Variants in MLXIP observed in about 807,000 individuals in gnomAD.
MLXIP encodes the protein MLX interacting protein, also known as MLX-interacting protein.
MLXIP carries 30 observed loss-of-function variants against 87.2 expected under a neutral mutation model. The ratio of observed to expected loss-of-function variants is 0.34; its 90% CI spans 0.26 to 0.47. MLXIP has a LOEUF of 0.47. Among genes scored for constraint, MLXIP ranks in the 20% least tolerant of loss-of-function variants. The pLI, the probability that MLXIP is intolerant of heterozygous loss-of-function variation, is 1.00. For missense variants in MLXIP, 1,002 were observed against 1,240.1 expected (o/e 0.81, Z 2.88); for synonymous variants, 530 against 514.0 (o/e 1.03, Z -0.42).
rs781100563 is a variant in MLXIP, at chr12:122,135,697, C to G, written c.2032+31C>G. The G allele has an allele frequency of 3.4e-5, 50 of 1,460,454 alleles. No individual in the cohort carries two copies. The Middle Eastern group carries it at 5.8e-4, about 17-fold the overall frequency. 90.5% of individuals were successfully genotyped at this position (1,460,454 alleles called of 1,614,324 possible). A position where few individuals can be genotyped will look rare whatever the true frequency, so the allele number is the denominator to read the frequency against. On this transcript the variant is annotated intron_variant, in intron 11 of 16. Transcript: ENST00000319080. This position sits in a 1 kb window ranked among gnomAD's most constrained non-coding sequence, Gnocchi z 5.3. ...TGTTCACTCGGCGGGATGGTTGGGG[C>G]ATCGCAAGGGAAGTAACTGGGCCTG... is the stretch of plus-strand genomic sequence containing the variant.
Position 122,123,754 on chromosome 12 carries a change from C to T in MLXIP, c.414-3502C>T, listed in dbSNP as rs557579410. The stretch of plus-strand genomic sequence containing the variant: ...TTGCTCTTTCACTTAGGCTGGAGTG[C>T]ATTGGTGCCATCATGGCTCACTGCA... On this transcript the variant is annotated intron_variant, in intron 1 of 16. Coordinates refer to ENST00000319080, the MANE Select transcript of MLXIP (RefSeq NM_014938.6). 5.9e-5 allele frequency among the ~76,000 whole-genome samples: 9 copies of T among 152,280 alleles called. No individual in the cohort carries two copies. In the East Asian group the frequency reaches 1.7e-3, roughly 29 times the overall value.
At chr12:122,124,670 A>G (rs2135964889) in intron 1 of MLXIP, among the ~76,000 whole-genome samples, 1 of 151,736 alleles carries the variant, frequency 6.6e-6, no homozygotes, top group East Asian at 2.0e-4. Context: ...GGGGTTGTTA[A>G]AAACATCATA....
chr12:122,135,354 G>A lies in MLXIP; in HGVS notation c.1854+9G>A, dbSNP rs758967827. ...CTGCTGCCATCGCCAGGGTGAGGAGGGCCCTAGGCAGACCTGCAGTGTCCT... is the reference window on the plus strand; with the variant it reads ...CTGCTGCCATCGCCAGGGTGAGGAGAGCCCTAGGCAGACCTGCAGTGTCCT... On this transcript the variant is annotated intron_variant, in intron 10 of 16. Transcript: ENST00000319080. The surrounding 1 kb of genome is among the most constrained non-coding windows in gnomAD (Gnocchi z 5.3). 1 of 1,610,648 alleles carries A rather than the reference G, an allele frequency of 6.2e-7. No homozygotes were observed. Among genetic ancestry groups the A allele is most frequent in the South Asian group, 1.1e-5 (1 of 90,770 alleles).
intron 1 of MLXIP, among the ~76,000 whole-genome samples, chr12:122,083,710 G>T (rs111173990): frequency 0.03 from 4,549 of 152,198 alleles, 215 homozygotes; most frequent in African/African-American, 0.1. Context: ...CACCGGGCCC[G>T]GCTAACCCTT....
rs1953290330 is a variant in MLXIP, at chr12:122,145,758, C to A, written c.*3946C>A. On this transcript the variant is annotated 3_prime_UTR_variant, in exon 17 of 17. Coordinates refer to ENST00000319080, the MANE Select transcript of MLXIP (RefSeq NM_014938.6). ...GCTGGGCCTGTCCCGGGCCAGTGGA[C>A]CCCTGTGTGTGGGGGATTTGGGGTG... 1 of 152,532 alleles carries A rather than the reference C, an allele frequency of 6.6e-6. No homozygotes were observed. The highest frequency in any genetic ancestry group is 2.4e-5 in the African/African-American group (1 of 41,438). 9.4% of individuals were successfully genotyped at this position (152,532 alleles called of 1,614,324 possible).
At position 122,135,912 on chromosome 12, in the gene MLXIP, G is replaced by A. The variant is rs776577044; in HGVS notation, c.2032+246G>A. 1.1e-4 allele frequency: 52 copies of A among 479,284 alleles called. No individual in the cohort carries two copies. The highest frequency in any genetic ancestry group is 2.0e-4 in the Admixed American group (5 of 25,488). 29.7% of individuals were successfully genotyped at this position (479,284 alleles called of 1,614,324 possible). ...GGCAGTGTAGGTGACCCGTGTGCTC[G>A]GGGAGTCCCTGCTGACTGCCCACGA... On this transcript the variant is annotated intron_variant, in intron 11 of 16. Transcript: ENST00000319080. This position sits in a 1 kb window ranked among gnomAD's most constrained non-coding sequence, Gnocchi z 5.3.
chr12:122,126,341 C>T (rs891708982), intron 1 of MLXIP, among the ~76,000 whole-genome samples: 1 of 152,200 alleles, frequency 6.6e-6, no homozygotes, highest in African/African-American at 2.4e-5. Flanking sequence ...GACACTACTA[C>T]ATAAGAGCTC....
At chr12:122,123,002 C>G (rs2135961383) in intron 1 of MLXIP, among the ~76,000 whole-genome samples, 1 of 152,106 alleles carries the variant, frequency 6.6e-6, no homozygotes, top group East Asian at 1.9e-4. Flanking sequence ...CATTGTGGGA[C>G]TTTTAGAGCA....
At chr12:122,094,637 G>A (rs1439278657) in intron 1 of MLXIP, among the ~76,000 whole-genome samples, 1 of 146,010 alleles carries the variant, frequency 6.8e-6, no homozygotes, top group Non-Finnish European at 1.5e-5. Flanking sequence ...TGTCTGTGGT[G>A]TTGGTGTGTG....
chr12:122,135,576 C>T lies in MLXIP; in HGVS notation c.1942C>T (p.Leu648Phe), dbSNP rs1953074738. Residue 648 changes from leucine to phenylalanine, a missense_variant, in exon 11 of 17, where the codon CTC becomes TTC. This residue lies in a region of MLXIP where 746 missense variants were observed against 897.0 expected (regional missense o/e 0.83). Transcript: ENST00000319080. The surrounding 1 kb of genome is among the most constrained non-coding windows in gnomAD (Gnocchi z 5.3). ...CAGCCCGCCTGCCCCCGTCTCCCGG[C>T]TCTTCCCAAGCACAGCGCAAGACCC... Reference protein sequence around the residue: ...TSSPPAPVSRLFPSTAQDPLG... With the variant: ...TSSPPAPVSRFFPSTAQDPLG... 6.3e-7 allele frequency: 1 copy of T among 1,597,784 alleles called. No individual in the cohort carries two copies.
chr12:122,117,230 C>G (rs1485871122), intron 1 of MLXIP, among the ~76,000 whole-genome samples: 1 of 152,228 alleles, frequency 6.6e-6, no homozygotes, highest in Non-Finnish European at 1.5e-5. Context: ...AAAAAAGATG[C>G]CAAGAGATCC....
rs895760675 is a variant in MLXIP at position 122,147,313 on chromosome 12, A to G, written c.*5501A>G. On this transcript the variant is annotated 3_prime_UTR_variant, in exon 17 of 17. Transcript: ENST00000319080. ...ATTTTTTAAACTATATTTGCATCCA[A>G]GACAATAAAGACACCTTATTTTTTT... 2.0e-5 allele frequency: 3 copies of G among 152,188 alleles called. No homozygotes were observed. Among genetic ancestry groups the G allele is most frequent in the African/African-American group, 7.2e-5 (3 of 41,434 alleles). The allele number at this position is 152,188 out of a possible 1,614,324, so 9.4% of individuals were successfully genotyped here.
intron 1 of MLXIP, among the ~76,000 whole-genome samples, chr12:122,081,005 C>T (rs1214262491): frequency 6.7e-6 from 1 of 148,536 alleles, no homozygotes; most frequent in Non-Finnish European, 1.5e-5. Flanking sequence ...TAAATGAAAA[C>T]TAAATCAGTC....
intron 6 of MLXIP, 173 bp downstream of exon 6, chr12:122,130,285 G>A (rs768365032): frequency 4.6e-5 from 11 of 239,766 alleles, no homozygotes; most frequent in Non-Finnish European, 6.7e-5. Context: ...CAGGCCGCAC[G>A]TACCGAGTGG....
intron 1 of MLXIP, among the ~76,000 whole-genome samples, chr12:122,121,330 A>C (rs1162745668): frequency 8.8e-6 from 1 of 113,464 alleles, no homozygotes; most frequent in Admixed American, 9.4e-5. Flanking sequence ...TTTTTTTTTA[A>C]ATTGAGATGG....
At chr12:122,101,022 C>T (rs1165355007) in intron 1 of MLXIP, among the ~76,000 whole-genome samples, 1 of 152,116 alleles carries the variant, frequency 6.6e-6, no homozygotes, top group Non-Finnish European at 1.5e-5. Flanking sequence ...CAAAGATCCT[C>T]AACTCTTCAA....
At chr12:122,103,118 C>A (rs1952460763) in intron 1 of MLXIP, among the ~76,000 whole-genome samples, 1 of 152,178 alleles carries the variant, frequency 6.6e-6, no homozygotes, top group Non-Finnish European at 1.5e-5. Context: ...ATTTTCCCGC[C>A]TTGGCTTCCC....
Position 122,140,953 on chromosome 12 carries a change from G to A in MLXIP, c.2509-1G>A. 3 of 1,614,012 alleles carry A rather than the reference G, an allele frequency of 1.9e-6. No homozygotes were observed. Among genetic ancestry groups the A allele is most frequent in the Non-Finnish European group, 8.5e-7 (1 of 1,179,912 alleles). ...GCCTTTTCTTTAACCACACACTGCA[G>A]TTCAGCATCATCATCAAGCCGCTGT... On this transcript the variant is annotated splice_acceptor_variant, in intron 15 of 16. Coordinates refer to ENST00000319080, the MANE Select transcript of MLXIP (RefSeq NM_014938.6). LOFTEE classifies it high-confidence loss of function.
At chr12:122,139,804 G>A (rs1953165052) in intron 15 of MLXIP, among the ~76,000 whole-genome samples, 1 of 152,160 alleles carries the variant, frequency 6.6e-6, no homozygotes, top group South Asian at 2.1e-4. Flanking sequence ...CTCCTGAGTG[G>A]CTGGAACTAC....
Sources: allele counts gnomAD v4.1 joint callset (sites outside exome capture counted in the v4.1 genomes callset), GRCh38; gene constraint gnomAD v4.1.1; regional missense constraint gnomAD v4.1.1; non-coding constraint Gnocchi (gnomAD v3.1); transcripts MANE v1.5; gene names NCBI Gene and HGNC (gene_info 2026-07-23, HGNC 2026-07-21).